Variants in RALGAPA2 observed in about 807,000 individuals in gnomAD.
RALGAPA2 encodes ral GTPase-activating protein subunit alpha-2.
RALGAPA2 carries 139 observed loss-of-function variants against 230.4 expected under a neutral mutation model. That is an observed-to-expected ratio of 0.60 (90% CI 0.53 to 0.69). The LOEUF (loss-of-function observed/expected upper bound fraction) is 0.69, where lower values mean the gene tolerates loss of function less well. Among genes scored for constraint, RALGAPA2 ranks in the 30% least tolerant of loss-of-function variants. RALGAPA2 has a pLI of 0.00. For missense variants in RALGAPA2, 2,163 were observed against 2,276.0 expected, an observed-to-expected ratio of 0.95 and a Z score of 1.01; for synonymous variants, 847 against 837.8, an observed-to-expected ratio of 1.01 and a Z score of -0.19.
intron 7 of RALGAPA2, 31 bp from the exon 8 acceptor site, chr20:20,637,532 T>C: frequency 6.6e-7 from 1 of 1,504,902 alleles, no homozygotes; most frequent in South Asian, 1.3e-5. Context: ...AGAACATATG[T>C]ATATTTATAT....
chr20:20,487,782 T>C (rs1235918412), intron 36 of RALGAPA2, among the ~76,000 whole-genome samples: 1 of 151,972 alleles, frequency 6.6e-6, no homozygotes, highest in Non-Finnish European at 1.5e-5. Flanking sequence ...CGTGGTGGCA[T>C]ACGCCTTTAG....
At chr20:20,575,767 T>C (rs967274234) in intron 20 of RALGAPA2, among the ~76,000 whole-genome samples, 1 of 152,178 alleles carries the variant, frequency 6.6e-6, no homozygotes, top group Admixed American at 6.5e-5. Flanking sequence ...GGATTTAATA[T>C]TCTCAGGTCT....
chr20:20,615,549 A>G (rs953831836), intron 13 of RALGAPA2, among the ~76,000 whole-genome samples: 2 of 152,248 alleles, frequency 1.3e-5, no homozygotes, highest in East Asian at 1.9e-4. Context: ...AAACAAAAAC[A>G]AAGATGAAAA....
intron 38 of RALGAPA2, among the ~76,000 whole-genome samples, chr20:20,405,137 C>T (rs978871355): frequency 1.6e-4 from 25 of 152,160 alleles, no homozygotes; most frequent in Admixed American, 1.2e-3. Flanking sequence ...CTAATACAAA[C>T]GAGGCAAGTT....
At position 20,526,303 on chromosome 20, in the gene RALGAPA2, G is replaced by A; in HGVS notation, c.3642C>T (p.Tyr1214=). 2 of 1,608,970 alleles carry A rather than the reference G, an allele frequency of 1.2e-6. No homozygotes were observed. Among genetic ancestry groups the A allele is most frequent in the East Asian group, 2.2e-5 (1 of 44,818 alleles). ...TTTCAAACATCTGAAGCTTCTCCCA[G>A]TAGGAAACCAGCAACTGAAGGACAT... ...ACDVLQLLVS[Y]WEKLQMFETS... Residue 1214 remains tyrosine, a synonymous_variant, in exon 28 of 40, where the codon TAC becomes TAT. Coordinates refer to ENST00000202677, the MANE Select transcript of RALGAPA2 (RefSeq NM_020343.4).
At chr20:20,708,459 A>T (rs2147040358) in intron 1 of RALGAPA2, among the ~76,000 whole-genome samples, 1 of 152,322 alleles carries the variant, frequency 6.6e-6, no homozygotes, top group South Asian at 2.1e-4. Context: ...CATGGTAGTG[A>T]ATGAATCTCA....
intron 23 of RALGAPA2, among the ~76,000 whole-genome samples, chr20:20,563,904 CAT>C (rs1176302465): frequency 2.0e-5 from 3 of 150,190 alleles, no homozygotes; most frequent in Non-Finnish European, 4.4e-5. Flanking sequence ...GAATTATACA[CAT>C]AGACACACAC....
intron 10 of RALGAPA2, among the ~76,000 whole-genome samples, chr20:20,623,268 A>G (rs1000450810): frequency 1.3e-5 from 2 of 152,182 alleles, no homozygotes; most frequent in African/African-American, 4.8e-5. Flanking sequence ...GGCTGAAAGT[A>G]AAGAGTTAGC....
At chr20:20,578,181 A>C (rs1015837674) in intron 20 of RALGAPA2, among the ~76,000 whole-genome samples, 4 of 152,086 alleles carry the variant, frequency 2.6e-5, no homozygotes, top group Admixed American at 6.6e-5. Flanking sequence ...CTATGAACAA[A>C]AATGTTAATG....
chr20:20,442,912 A>G (rs1018889292), intron 37 of RALGAPA2, among the ~76,000 whole-genome samples: 2 of 152,240 alleles, frequency 1.3e-5, no homozygotes, highest in Non-Finnish European at 2.9e-5. Context: ...CATAAATGCT[A>G]AGGCTTGATA....
chr20:20,447,759 T>C (rs1299780846), intron 37 of RALGAPA2, among the ~76,000 whole-genome samples: 1 of 152,120 alleles, frequency 6.6e-6, no homozygotes. Context: ...ATGAAGCTCT[T>C]TTTCTGGGCA....
intron 37 of RALGAPA2, among the ~76,000 whole-genome samples, chr20:20,430,061 C>T (rs1372483472): frequency 6.6e-6 from 1 of 152,228 alleles, no homozygotes; most frequent in Non-Finnish European, 1.5e-5. Flanking sequence ...TGACCTCAGG[C>T]AACTAGTTTG....
At chr20:20,605,012 G>A (rs931304611) in intron 15 of RALGAPA2, among the ~76,000 whole-genome samples, 163 bp downstream of exon 15, 2 of 152,028 alleles carry the variant, frequency 1.3e-5, no homozygotes, top group African/African-American at 4.8e-5. Flanking sequence ...TCTCATTAAG[G>A]GAACAGAATG....
intron 23 of RALGAPA2, 126 bp downstream of exon 23, chr20:20,571,332 A>G: frequency 1.9e-6 from 2 of 1,080,066 alleles, no homozygotes; most frequent in Non-Finnish European, 2.6e-6. Context: ...GCTGTGTGTA[A>G]AAGAGTTGAA....
At chr20:20,448,761 A>T (rs1490087088) in intron 37 of RALGAPA2, among the ~76,000 whole-genome samples, 1 of 152,152 alleles carries the variant, frequency 6.6e-6, no homozygotes, top group Non-Finnish European at 1.5e-5. Context: ...AAGAAAATAT[A>T]GCTTTAAAAA....
intron 31 of RALGAPA2, among the ~76,000 whole-genome samples, chr20:20,520,275 T>C (rs1391428265): frequency 6.6e-6 from 1 of 152,156 alleles, no homozygotes; most frequent in Non-Finnish European, 1.5e-5. Context: ...CTATGCAATT[T>C]TATCATATGT....
intron 2 of RALGAPA2, among the ~76,000 whole-genome samples, chr20:20,679,562 T>G (rs2068450855): frequency 1.3e-5 from 2 of 152,170 alleles, no homozygotes; most frequent in African/African-American, 4.8e-5. Flanking sequence ...CAAGGCTCCT[T>G]GCAAGCATTA....
At chr20:20,623,298 C>T (rs537405933) in intron 10 of RALGAPA2, among the ~76,000 whole-genome samples, 2 of 152,086 alleles carry the variant, frequency 1.3e-5, no homozygotes, top group African/African-American at 4.8e-5. Flanking sequence ...ACCATACAAA[C>T]ACTAGCCAAA....
rs78481767 is a variant in RALGAPA2 at position 20,432,079 on chromosome 20, T to C, written c.5496-19931A>G. Among the ~76,000 whole-genome samples, 851 of 152,338 alleles carry C rather than the reference T, an allele frequency of 5.6e-3. 9 individuals carry two copies. The highest frequency in any genetic ancestry group is 0.019 in the African/African-American group (801 of 41,572). On this transcript the variant is annotated intron_variant, in intron 37 of 39. Transcript: ENST00000202677. ...TGTAATTTTTTAAAGAAGCAGTTGG[T>C]GCGAGAAACAGTAAGGACTGTGAAA...
Sources: gnomAD v4.1 joint callset for allele counts (sites outside exome capture counted in the v4.1 genomes callset) on GRCh38, gnomAD v4.1.1 for gene constraint, MANE v1.5 for transcripts, NCBI Gene and HGNC (gene_info 2026-07-23, HGNC 2026-07-21) for gene names.